LPA: variants seen among roughly 807,000 people sequenced by gnomAD.
LPA encodes the protein apolipoprotein(a).
Under a neutral mutation model 197.9 loss-of-function variants are expected in LPA, and 199 were observed. The observed-to-expected ratio is 1.01, with a 90% confidence interval of 0.90 to 1.13. The LOEUF (loss-of-function observed/expected upper bound fraction) is 1.13, where lower values mean the gene tolerates loss of function less well. LPA is among the 50% of genes most tolerant of loss of function. LPA has a pLI of 0.00. For missense variants in LPA, 1,853 were observed against 1,785.8 expected, an observed-to-expected ratio of 1.04 and a Z score of -0.68; for synonymous variants, 715 against 639.5, an observed-to-expected ratio of 1.12 and a Z score of -1.78.
chr6:160,593,679 G>T (rs959959293), intron 22 of LPA, among the ~76,000 whole-genome samples: 2 of 152,178 alleles, frequency 1.3e-5, no homozygotes, highest in Non-Finnish European at 2.9e-5. Context: ...GTGGAATGGT[G>T]CTATTTCTAA....
chr6:160,610,709 C>G (rs566634000), intron 16 of LPA, among the ~76,000 whole-genome samples: 2 of 152,128 alleles, frequency 1.3e-5, no homozygotes, highest in Non-Finnish European at 2.9e-5. Context: ...TCCCAAACTC[C>G]AATCCCTCTC....
In LPA at chr6:160,531,803, G is replaced by A; in HGVS notation, c.6049C>T (p.Pro2017Ser). 6.2e-7 allele frequency: 1 copy of A among 1,614,026 alleles called. No homozygotes were observed. Among genetic ancestry groups the A allele is most frequent in the East Asian group, 2.2e-5 (1 of 44,870 alleles). The part of the protein sequence containing the change: ...VTSWGLGCAR[P>S]NKPGVYARVS... ...CGAGCATAGACACCAGGCTTATTGG[G>A]GCGTGCACAGCCAAGACCCCAAGAA... is the stretch of plus-strand genomic sequence containing the variant. Residue 2017 changes from proline (P) to serine (S), a missense_variant, in exon 39 of 39, where the codon CCC becomes TCC. Physicochemically the swap from Pro to Ser is moderately conservative, Grantham distance 74. This residue lies in a region of LPA where 1,737 missense variants were observed against 1,504.4 expected (regional missense o/e 1.15). Transcript: ENST00000316300.
intron 16 of LPA, among the ~76,000 whole-genome samples, chr6:160,611,070 G>C (rs910678567): frequency 7.9e-5 from 12 of 152,124 alleles, no homozygotes; most frequent in South Asian, 2.1e-4. Flanking sequence ...CAGGCCACTG[G>C]TACTTAGGAC....
chr6:160,551,477 T>C, intron 30 of LPA, among the ~76,000 whole-genome samples: 1 of 152,240 alleles, frequency 6.6e-6, no homozygotes, highest in African/African-American at 2.4e-5. Context: ...TTTCTTCTCA[T>C]GTGTTACTTG....
intron 24 of LPA, 40 bp from the exon 25 acceptor site, chr6:160,586,670 G>A (rs1778918416): frequency 6.2e-7 from 1 of 1,612,682 alleles, no homozygotes; most frequent in Admixed American, 1.7e-5. Flanking sequence ...AGAGATTGGA[G>A]AAGATACAGC....
At chr6:160,604,996 G>A in intron 18 of LPA, 50 bp downstream of exon 18, 1 of 1,610,354 alleles carries the variant, frequency 6.2e-7, no homozygotes, top group Non-Finnish European at 8.5e-7. Context: ...TCTACTAACA[G>A]AAATTTCCAC....
At chr6:160,660,582 G>T (rs78815698) in intron 1 of LPA, among the ~76,000 whole-genome samples, 1 of 152,148 alleles carries the variant, frequency 6.6e-6, no homozygotes, top group African/African-American at 2.4e-5. Context: ...GTGTAGAAAT[G>T]AACCTTGGAG....
Position 160,590,952 on chromosome 6 carries a change from G to A in LPA, c.3779C>T (p.Ser1260Phe), listed in dbSNP as rs1382626254. ...SSVLATSTAVSEQAPTEQSPT... is the reference protein window; with the variant it reads ...SSVLATSTAVFEQAPTEQSPT... The stretch of plus-strand genomic sequence containing the variant: ...GGCCAGAGACTTCTTACCTTGTTCA[G>A]AAACAGCCGTGGACGTCGCAAGGAC... Residue 1260 changes from serine (S) to phenylalanine (F), a missense_variant, in exon 23 of 39, where the codon TCT becomes TTT. Coordinates refer to ENST00000316300, the MANE Select transcript of LPA (RefSeq NM_005577.4). 1.9e-6 allele frequency: 3 copies of A among 1,613,834 alleles called. No homozygotes were observed. The highest frequency in any genetic ancestry group is 1.7e-5 in the Admixed American group (1 of 59,984).
At chr6:160,570,493 G>T (rs1778543573) in intron 28 of LPA, among the ~76,000 whole-genome samples, 1 of 152,150 alleles carries the variant, frequency 6.6e-6, no homozygotes. Context: ...CATGGGATGG[G>T]GGGAGTGGGG....
chr6:160,656,522 A>G (rs1275226323), intron 1 of LPA, among the ~76,000 whole-genome samples: 1 of 152,210 alleles, frequency 6.6e-6, no homozygotes, highest in African/African-American at 2.4e-5. Flanking sequence ...CCCTACTTTA[A>G]CTGGGGAACC....
chr6:160,578,031 G>C (rs540426217), intron 27 of LPA, among the ~76,000 whole-genome samples: 19 of 152,242 alleles, frequency 1.2e-4, no homozygotes, highest in Admixed American at 8.5e-4. Context: ...AGCATTCGTT[G>C]GTTACCTCCT....
At chr6:160,539,935 G>A in intron 36 of LPA, 108 bp downstream of exon 36, 1 of 1,489,970 alleles carries the variant, frequency 6.7e-7, no homozygotes, top group South Asian at 1.1e-5. Flanking sequence ...CCTTTCATGT[G>A]ATAGACAGTT....
intron 19 of LPA, among the ~76,000 whole-genome samples, 162 bp from the exon 20 acceptor site, chr6:160,599,821 G>T (rs775351595): frequency 1.3e-5 from 2 of 152,132 alleles, no homozygotes; most frequent in African/African-American, 4.8e-5. Context: ...AAACAAACAC[G>T]AAAGTAAGAG....
At chr6:160,593,854 G>C (rs1016287866) in intron 22 of LPA, 104 bp downstream of exon 22, 35 of 1,399,938 alleles carry the variant, frequency 2.5e-5, no homozygotes, top group African/African-American at 1.1e-4. Flanking sequence ...CAACATTCCA[G>C]ATCTGAGATA....
chr6:160,653,530 A>G (rs1462044332), intron 1 of LPA, among the ~76,000 whole-genome samples: 1 of 152,008 alleles, frequency 6.6e-6, no homozygotes, highest in Non-Finnish European at 1.5e-5. Flanking sequence ...AAGTTGAATC[A>G]GTAATTAAAA....
At chr6:160,568,169 T>C (rs1254585487) in intron 28 of LPA, among the ~76,000 whole-genome samples, 1 of 152,182 alleles carries the variant, frequency 6.6e-6, no homozygotes, top group Non-Finnish European at 1.5e-5. Flanking sequence ...TACCAAATCC[T>C]GGCAGAGACA....
intron 1 of LPA, among the ~76,000 whole-genome samples, chr6:160,654,880 A>G (rs571996354): frequency 3.3e-4 from 51 of 152,316 alleles, no homozygotes; most frequent in Non-Finnish European, 6.8e-4. Context: ...GTGCAGAACC[A>G]TCTATGAACC....
At chr6:160,658,820 G>C (rs2115110871) in intron 1 of LPA, among the ~76,000 whole-genome samples, 1 of 151,134 alleles carries the variant, frequency 6.6e-6, no homozygotes, top group Admixed American at 6.6e-5. Context: ...ACCACTTCTG[G>C]TATGAAAATC....
intron 1 of LPA, among the ~76,000 whole-genome samples, chr6:160,658,974 C>T (rs1780176918): frequency 6.6e-6 from 1 of 151,846 alleles, no homozygotes; most frequent in African/African-American, 2.4e-5. Context: ...TAGATATACT[C>T]ACACAAAGGG....
Sources: gnomAD v4.1 joint callset for allele counts (sites outside exome capture counted in the v4.1 genomes callset) on GRCh38, gnomAD v4.1.1 for gene constraint, gnomAD v4.1.1 regional missense constraint, MANE v1.5 for transcripts, NCBI Gene and HGNC (gene_info 2026-07-23, HGNC 2026-07-21) for gene names.